HNRNPC: variants seen among roughly 807,000 people sequenced by gnomAD.
HNRNPC encodes the protein heterogeneous nuclear ribonucleoprotein C, also known as heterogeneous nuclear ribonucleoproteins C1/C2.
Under a neutral mutation model 33.2 loss-of-function variants are expected in HNRNPC, and 3 were observed. The observed-to-expected ratio is 0.09, with a 90% CI of 0.04 to 0.23. The LOEUF (loss-of-function observed/expected upper bound fraction) is 0.23, where lower values mean the gene tolerates loss of function less well. HNRNPC is among the 10% of genes least tolerant of loss of function. HNRNPC has a pLI of 1.00. For synonymous variants in HNRNPC, 121 were observed against 126.7 expected, an observed-to-expected ratio of 0.96 and a Z score of 0.30; for missense variants, 143 against 366.7, an observed-to-expected ratio of 0.39 and a Z score of 4.98.
chr14:21,234,330 G>T, intron 2 of HNRNPC, 101 bp from the exon 3 acceptor site: 3 of 1,058,910 alleles, frequency 2.8e-6, no homozygotes, highest in Non-Finnish European at 4.1e-6. Context: ...TAACTGCCCA[G>T]AGTATTAGGC....
At chr14:21,214,879 CA>C (rs988970992) in intron 5 of HNRNPC, among the ~76,000 whole-genome samples, 7 of 152,126 alleles carry the variant, frequency 4.6e-5, no homozygotes, top group Non-Finnish European at 8.8e-5. Context: ...ATAAGTTATC[CA>C]TATCCATGAG....
intron 2 of HNRNPC, among the ~76,000 whole-genome samples, chr14:21,243,284 G>A (rs1354384111): frequency 1.3e-5 from 2 of 152,064 alleles, no homozygotes; most frequent in African/African-American, 4.8e-5. Flanking sequence ...CAGCCACATG[G>A]AAGCTCCTAA....
intron 5 of HNRNPC, among the ~76,000 whole-genome samples, chr14:21,220,750 G>A (rs1034682326): frequency 4.6e-5 from 7 of 151,980 alleles, no homozygotes; most frequent in African/African-American, 1.7e-4. Context: ...GATCAAAGCA[G>A]GGGACTTCCC....
chr14:21,248,432 G>A (rs1250119895), intron 2 of HNRNPC, among the ~76,000 whole-genome samples: 1 of 152,148 alleles, frequency 6.6e-6, no homozygotes, highest in East Asian at 1.9e-4. Context: ...TTCCTTATCT[G>A]TAAAATGAGT....
intron 2 of HNRNPC, among the ~76,000 whole-genome samples, chr14:21,235,834 T>C (rs1225187920): frequency 6.6e-6 from 1 of 152,106 alleles, no homozygotes; most frequent in African/African-American, 2.4e-5. Context: ...ATAGAAAATA[T>C]AATCTCCATA....
At chr14:21,214,815 T>A (rs1285752814) in intron 5 of HNRNPC, among the ~76,000 whole-genome samples, 1 of 152,172 alleles carries the variant, frequency 6.6e-6, no homozygotes, top group Non-Finnish European at 1.5e-5. Flanking sequence ...TGAGAGATGG[T>A]AACACTTGCA....
At chr14:21,257,595 T>A (rs959673024) in intron 2 of HNRNPC, among the ~76,000 whole-genome samples, 1 of 152,124 alleles carries the variant, frequency 6.6e-6, no homozygotes, top group Admixed American at 6.5e-5. Context: ...TTTGTTTTTT[T>A]ACTTTAAGAG....
At chr14:21,250,071 C>T (rs1342628574) in intron 2 of HNRNPC, among the ~76,000 whole-genome samples, 4 of 151,878 alleles carry the variant, frequency 2.6e-5, no homozygotes, top group Non-Finnish European at 5.9e-5. Flanking sequence ...AGTATGACTA[C>T]CTGTATACTA....
chr14:21,244,679 T>C (rs1895755924), intron 2 of HNRNPC, among the ~76,000 whole-genome samples: 1 of 152,218 alleles, frequency 6.6e-6, no homozygotes, highest in African/African-American at 2.4e-5. Context: ...CGTTATGCAA[T>C]TTTGTCACTG....
rs571487898 is a variant in HNRNPC at position 21,223,657 on chromosome 14, G to A, written c.365+6662C>T. Among the ~76,000 whole-genome samples the A allele has an allele frequency of 6.4e-4, 98 of 152,042 alleles. 1 individual carries two copies. The highest frequency in any genetic ancestry group is 6.8e-3 in the Middle Eastern group (2 of 294). On this transcript the variant is annotated intron_variant, in intron 5 of 8. Coordinates refer to ENST00000553300, the MANE Select transcript of HNRNPC (RefSeq NM_004500.4). ...CCAGCTACTCAGGAGGCTGAGGCAG[G>A]AGAATTGCTTGAACCCAGGAGACAG...
chr14:21,232,451 C>T (rs1340488544), intron 3 of HNRNPC, among the ~76,000 whole-genome samples: 1 of 152,060 alleles, frequency 6.6e-6, no homozygotes, highest in African/African-American at 2.4e-5. Flanking sequence ...CTCACTGTAA[C>T]CTCCACCTCC....
chr14:21,254,175 C>T (rs567167989), intron 2 of HNRNPC, among the ~76,000 whole-genome samples: 1 of 151,772 alleles, frequency 6.6e-6, no homozygotes, highest in South Asian at 2.1e-4. Flanking sequence ...AAGATATGCA[C>T]AACTGTAGTT....
chr14:21,250,558 A>G (rs180861032), intron 2 of HNRNPC, among the ~76,000 whole-genome samples: 46 of 152,338 alleles, frequency 3.0e-4, no homozygotes, highest in Non-Finnish European at 2.9e-5. Flanking sequence ...AGTTCAGATA[A>G]TTCAAAGCAC....
intron 5 of HNRNPC, among the ~76,000 whole-genome samples, chr14:21,218,279 A>G (rs1197901804): frequency 6.6e-6 from 1 of 152,128 alleles, no homozygotes; most frequent in Non-Finnish European, 1.5e-5. Context: ...TAACTTTAAC[A>G]TTACTCATTT....
At chr14:21,215,111 A>G (rs1892018997) in intron 5 of HNRNPC, among the ~76,000 whole-genome samples, 1 of 152,232 alleles carries the variant, frequency 6.6e-6, no homozygotes, top group Non-Finnish European at 1.5e-5. Flanking sequence ...AGTCTCATGA[A>G]CACAATTAGG....
chr14:21,241,207 CG>C (rs1475071329), intron 2 of HNRNPC, among the ~76,000 whole-genome samples: 5 of 142,710 alleles, frequency 3.5e-5, no homozygotes, highest in Non-Finnish European at 7.5e-5. Context: ...TGTAGTAAGC[CG>C]AGATTGCACC....
chr14:21,217,455 C>T (rs17102605), intron 5 of HNRNPC, among the ~76,000 whole-genome samples: 1,734 of 152,272 alleles, frequency 0.011, 12 homozygotes, highest in Middle Eastern at 0.037. Flanking sequence ...ACAAGGTATT[C>T]ACCACATGGG....
chr14:21,261,657 G>A (rs950273323), intron 2 of HNRNPC, among the ~76,000 whole-genome samples: 1 of 152,132 alleles, frequency 6.6e-6, no homozygotes, highest in Admixed American at 6.6e-5. Context: ...CACTTTGGGG[G>A]TGTCAAGGCA....
rs1231829877 is a variant in HNRNPC, at chr14:21,238,078, C to A, written c.-36-3849G>T. ...AAGCCACTGCACTCGGCCCTGATCC[C>A]ATTTTCTTGCCTTGTTACTCCCTTT... On this transcript the variant is annotated intron_variant, in intron 2 of 8. Coordinates refer to ENST00000553300, the MANE Select transcript of HNRNPC (RefSeq NM_004500.4). 2.0e-5 allele frequency among the ~76,000 whole-genome samples: 3 copies of A among 152,228 alleles called. No homozygotes were observed. In the East Asian group the frequency reaches 5.8e-4, roughly 29 times the overall value.
Sources: gnomAD v4.1 joint callset for allele counts (sites outside exome capture counted in the v4.1 genomes callset) on GRCh38, gnomAD v4.1.1 for gene constraint, MANE v1.5 for transcripts, NCBI Gene and HGNC (gene_info 2026-07-23, HGNC 2026-07-21) for gene names.